The following ZNF143 variants were observed in gnomAD, a reference collection of about 807,000 sequenced individuals.
ZNF143 encodes the protein zinc finger protein 143.
In ZNF143, 49 loss-of-function variants were observed where a neutral mutation model predicts 74.1. That is an observed-to-expected ratio of 0.66 (90% CI 0.53 to 0.84). The LOEUF is 0.84. Among genes scored for constraint, ZNF143 ranks in the 40% least tolerant of loss-of-function variants. The pLI is 0.00. For missense variants in ZNF143, 637 were observed against 793.4 expected (o/e 0.80, Z 2.37); for synonymous variants, 304 against 282.8 (o/e 1.07, Z -0.75).
At position 9,478,602 on chromosome 11, in the gene ZNF143, A is replaced by G. The variant is rs753391017; in HGVS notation, c.570+16A>G. 9.4e-6 allele frequency: 15 copies of G among 1,591,372 alleles called. No homozygotes were observed. Among genetic ancestry groups the G allele is most frequent in the African/African-American group, 8.0e-5 (6 of 74,570 alleles). On this transcript the variant is annotated intron_variant, in intron 6 of 15. Coordinates refer to ENST00000396602, the MANE Select transcript of ZNF143 (RefSeq NM_003442.6). ...TGCAGCAAAGGTATAGCATTTCACA[A>G]TGTCAAGAATGTTGCAGATATAGCT...
At chr11:9,486,388 A>ATTATATATATATATAAT (rs1847501452) in intron 7 of ZNF143, among the ~76,000 whole-genome samples, 1 of 18,460 alleles carries the variant, frequency 5.4e-5, no homozygotes, top group Non-Finnish European at 1.0e-4. Context: ...TATATATATA[A>ATTATATATATATATAAT]TATATATAAT....
chr11:9,486,414 T>TATATATATTATATATATAATATATATA (rs1491546428), intron 7 of ZNF143, among the ~76,000 whole-genome samples: 1 of 24,040 alleles, frequency 4.2e-5, no homozygotes, highest in Non-Finnish European at 7.7e-5. Context: ...ATATATATAA[T>TATATATATTATATATATAATATATATA]ATATATTATA....
chr11:9,475,666 G>A (rs1046638933), intron 5 of ZNF143, among the ~76,000 whole-genome samples: 1 of 152,080 alleles, frequency 6.6e-6, no homozygotes, highest in South Asian at 2.1e-4. Context: ...CGATGCAGGC[G>A]GATCACCTGA....
chr11:9,477,169 T>TCCTTCCTCCTC (rs1565029307), intron 5 of ZNF143, among the ~76,000 whole-genome samples: 2 of 126,760 alleles, frequency 1.6e-5, no homozygotes, highest in Non-Finnish European at 3.2e-5. Flanking sequence ...CTTCCTTCCT[T>TCCTTCCTCCTC]CCTCCTCTCC....
intron 1 of ZNF143, among the ~76,000 whole-genome samples, chr11:9,467,114 A>G (rs986841829): frequency 2.6e-5 from 4 of 151,728 alleles, no homozygotes; most frequent in Non-Finnish European, 5.9e-5. Flanking sequence ...GGATGCTCTC[A>G]ATCTCCTGAC....
chr11:9,486,389 T>TATATATTATATATATA (rs1847502441), intron 7 of ZNF143, among the ~76,000 whole-genome samples: 1 of 18,586 alleles, frequency 5.4e-5, no homozygotes, highest in Admixed American at 9.4e-4. Context: ...ATATATATAA[T>TATATATTATATATATA]ATATATAATA....
chr11:9,515,284 G>C (rs796648105), intron 13 of ZNF143, among the ~76,000 whole-genome samples: 1 of 152,124 alleles, frequency 6.6e-6, no homozygotes, highest in Non-Finnish European at 1.5e-5. Flanking sequence ...TTGGATTCTC[G>C]TAGAAATTCA....
At chr11:9,502,607 CAAA>C (rs35945973) in intron 11 of ZNF143, among the ~76,000 whole-genome samples, 8 of 135,190 alleles carry the variant, frequency 5.9e-5, no homozygotes, top group Non-Finnish European at 7.9e-5. Flanking sequence ...GACTCCATCT[CAAA>C]AAAAAAAAAA....
chr11:9,475,903 A>AGT (rs1856849619), intron 5 of ZNF143, among the ~76,000 whole-genome samples: 2 of 76,240 alleles, frequency 2.6e-5, no homozygotes, highest in Admixed American at 1.3e-4. Context: ...GTCTCAAAAA[A>AGT]ATATATATGT....
intron 7 of ZNF143, among the ~76,000 whole-genome samples, chr11:9,484,414 C>T (rs1293399188): frequency 1.3e-5 from 2 of 150,762 alleles, no homozygotes; most frequent in Admixed American, 1.3e-4. Flanking sequence ...TATATTTCAC[C>T]TTGTTGGCCA....
rs1245802133 is a variant in ZNF143 at position 9,486,396 on chromosome 11, A to ATTAT, written c.645+6850_645+6851insTTAT. Among the ~76,000 whole-genome samples, 65 of 11,904 alleles carry ATTAT rather than the reference A, an allele frequency of 5.5e-3. 2 individuals are homozygous for ATTAT. The highest frequency in any genetic ancestry group is 0.014 in the African/African-American group (62 of 4,586). The allele number at this position is 11,904 out of a possible 152,430, so 7.8% of individuals were successfully genotyped here. A position where few individuals can be genotyped will look rare whatever the true frequency, so the allele number is the denominator to read the frequency against. On this transcript the variant is annotated intron_variant, in intron 7 of 15. Coordinates refer to ENST00000396602, the MANE Select transcript of ZNF143 (RefSeq NM_003442.6). ...AATATATTATATATATAATATATATAATATATTATATATATAATATATATT... is the reference window on the plus strand; with the variant it reads ...AATATATTATATATATAATATATATATTATATATATTATATATATAATATATATT...
intron 11 of ZNF143, among the ~76,000 whole-genome samples, chr11:9,506,958 C>T (rs1848387017): frequency 6.6e-6 from 1 of 152,132 alleles, no homozygotes; most frequent in African/African-American, 2.4e-5. Context: ...CTGCTCTAGC[C>T]TAAATATCAA....
intron 7 of ZNF143, among the ~76,000 whole-genome samples, chr11:9,492,886 A>G (rs1298441497): frequency 6.6e-6 from 1 of 152,170 alleles, no homozygotes; most frequent in Non-Finnish European, 1.5e-5. Flanking sequence ...GATATAAGCT[A>G]TATATCACAG....
At position 9,483,541 on chromosome 11, in the gene ZNF143, C is replaced by T. The variant is rs114180569; in HGVS notation, c.645+3995C>T. 3.6e-3 allele frequency among the ~76,000 whole-genome samples: 549 copies of T among 150,664 alleles called. 22 individuals are homozygous for T. Among genetic ancestry groups the T allele is most frequent in the African/African-American group, 0.012 (500 of 40,314 alleles). On this transcript the variant is annotated intron_variant, in intron 7 of 15. Coordinates refer to ENST00000396602, the MANE Select transcript of ZNF143 (RefSeq NM_003442.6). ...TCGAACTCCTGACATTGTGATCCGC[C>T]CACTTGGCCTCCCAAAGTGCTGGGA... is the stretch of plus-strand genomic sequence containing the variant.
chr11:9,512,467 T>C lies in ZNF143; in HGVS notation c.1395T>C (p.Leu465=), dbSNP rs1483512889. 6.2e-7 allele frequency: 1 copy of C among 1,614,180 alleles called. No homozygotes were observed. The highest frequency in any genetic ancestry group is 1.7e-5 in the Admixed American group (1 of 60,026). The change falls in exon 13 of 16, where the codon CTT becomes CTC. Residue 465 remains leucine (L), a synonymous_variant. Transcript: ENST00000396602. Reference sequence around the variant, plus strand: ...AAACAGGTCAAGGTGAAGATGTTCTTAAAGGGTCCCAGATTACGTATGTTA... The same window carrying C: ...AAACAGGTCAAGGTGAAGATGTTCTCAAAGGGTCCCAGATTACGTATGTTA... The part of the protein sequence containing the change: ...EPPPGQGEDV[L]KGSQITYVTG...
chr11:9,465,407 G>A (rs1377795858), intron 1 of ZNF143, among the ~76,000 whole-genome samples: 1 of 151,638 alleles, frequency 6.6e-6, no homozygotes. Context: ...GGCTGGTCTT[G>A]AACTCCTGAC....
intron 7 of ZNF143, 74 bp from the exon 8 acceptor site, chr11:9,494,572 A>G (rs1847895217): frequency 2.0e-6 from 3 of 1,478,982 alleles, no homozygotes; most frequent in Non-Finnish European, 2.8e-6. Context: ...CTGCCTCCCC[A>G]TGTGCTAAGA....
At chr11:9,504,261 A>AAGACTTTTTTTTTGAGATAGAGTCTC (rs1565054571) in intron 11 of ZNF143, among the ~76,000 whole-genome samples, 1 of 130,674 alleles carries the variant, frequency 7.7e-6, no homozygotes, top group Non-Finnish European at 1.8e-5. Context: ...ACCTGGCCAA[A>AAGACTTTTTTTTTGAGATAGAGTCTC]GCATCTTTTT....
chr11:9,476,754 T>TTTTTTTTTTTG (rs1856923395), intron 5 of ZNF143, among the ~76,000 whole-genome samples: 1 of 99,394 alleles, frequency 1.0e-5, no homozygotes, highest in South Asian at 3.7e-4. Context: ...ATCTTTTTTT[T>TTTTTTTTTTTG]TTTTTTTTTT....
Sources: allele counts gnomAD v4.1 joint callset (sites outside exome capture counted in the v4.1 genomes callset), GRCh38; gene constraint gnomAD v4.1.1; transcripts MANE v1.5; gene names NCBI Gene and HGNC (gene_info 2026-07-23, HGNC 2026-07-21).